Variants in PTGER3 observed in about 807,000 individuals in gnomAD.
PTGER3 encodes the protein prostaglandin E2 receptor EP3 subtype.
In PTGER3, 22 loss-of-function variants were observed where a neutral mutation model predicts 34.7. The ratio of observed to expected loss-of-function variants is 0.63; its 90% confidence interval spans 0.45 to 0.91. The LOEUF is 0.91. Ranked by LOEUF, PTGER3 falls within the 40% of genes least tolerant of loss-of-function variation. PTGER3 has a pLI of 0.00. For missense variants in PTGER3, 468 were observed against 519.4 expected, an observed-to-expected ratio of 0.90 and a Z score of 0.96; for synonymous variants, 241 against 230.1, an observed-to-expected ratio of 1.05 and a Z score of -0.43.
chr1:70,928,622 A>C (rs1404080524), intron 4 of PTGER3, among the ~76,000 whole-genome samples: 1 of 152,036 alleles, frequency 6.6e-6, no homozygotes, highest in African/African-American at 2.4e-5. Flanking sequence ...GACAGAATGA[A>C]ACCCCGTCTG....
chr1:71,045,187 A>G (rs1660652231), intron 1 of PTGER3, among the ~76,000 whole-genome samples: 1 of 152,180 alleles, frequency 6.6e-6, no homozygotes, highest in Non-Finnish European at 1.5e-5. Context: ...TTTGGAGCCA[A>G]GGTTTGTGCT....
intron 4 of PTGER3, among the ~76,000 whole-genome samples, chr1:70,936,334 AAAAG>A (rs1649225692): frequency 6.6e-6 from 1 of 152,222 alleles, no homozygotes; most frequent in Non-Finnish European, 1.5e-5. Context: ...TAGCACACAC[AAAAG>A]TGTAGAGGCT....
chr1:70,903,277 G>A (rs1409161), intron 4 of PTGER3, among the ~76,000 whole-genome samples: 45,143 of 152,006 alleles, frequency 0.3, 6,974 homozygotes, highest in South Asian at 0.46. Flanking sequence ...CTGGTCTCCA[G>A]AACTGGAAGA....
At position 70,954,720 on chromosome 1, in the gene PTGER3, G is replaced by A. The variant is rs933489626; in HGVS notation, c.1078-931C>T. 2.7e-4 allele frequency among the ~76,000 whole-genome samples: 41 copies of A among 151,848 alleles called. 1 individual carries two copies. The highest frequency in any genetic ancestry group is 9.4e-4 in the African/African-American group (39 of 41,274). On this transcript the variant is annotated intron_variant, in intron 2 of 3. Transcript: ENST00000356595. ...TGTGTGAGAAAGTAAATTCAATAGG[G>A]TCTCTTGATGGCATTTTGCTATCAT...
chr1:70,905,288 C>T (rs1646921005), intron 4 of PTGER3, among the ~76,000 whole-genome samples: 2 of 152,118 alleles, frequency 1.3e-5, no homozygotes, highest in South Asian at 4.1e-4. Flanking sequence ...GGGGTCAGAG[C>T]ACCCACACAG....
At chr1:70,918,781 A>C (rs1275909394) in intron 4 of PTGER3, among the ~76,000 whole-genome samples, 7 of 152,006 alleles carry the variant, frequency 4.6e-5, no homozygotes, top group African/African-American at 1.4e-4. Context: ...TAGCTTTCCA[A>C]TTTGTGATGT....
intron 4 of PTGER3, among the ~76,000 whole-genome samples, chr1:70,894,451 T>G (rs187584544): frequency 2.5e-4 from 38 of 152,306 alleles, no homozygotes; most frequent in African/African-American, 8.7e-4. Flanking sequence ...GAATGCCTAG[T>G]TTTCTACATG....
intron 2 of PTGER3, among the ~76,000 whole-genome samples, chr1:70,983,283 T>C (rs993026726): frequency 1.2e-5 from 1 of 80,772 alleles, no homozygotes; most frequent in Non-Finnish European, 2.8e-5. Flanking sequence ...TTAATTAATC[T>C]GAAAAAAAAA....
At chr1:70,906,064 AG>A (rs1023746353) in intron 4 of PTGER3, among the ~76,000 whole-genome samples, 3 of 152,040 alleles carry the variant, frequency 2.0e-5, no homozygotes, top group African/African-American at 7.2e-5. Flanking sequence ...TCCCTGTACA[AG>A]CTCTCTCTTT....
At chr1:71,012,925 ATATTAT>A (rs3044614) in intron 1 of PTGER3, among the ~76,000 whole-genome samples, 11 of 150,306 alleles carry the variant, frequency 7.3e-5, no homozygotes, top group South Asian at 2.1e-4. Context: ...AAAGGAGGAA[ATATTAT>A]TATTATTATT....
intron 2 of PTGER3, among the ~76,000 whole-genome samples, chr1:70,988,306 T>C (rs1056974354): frequency 2.0e-5 from 3 of 152,162 alleles, no homozygotes; most frequent in African/African-American, 7.2e-5. Context: ...TAAGGAACCA[T>C]TCTCAGACTA....
At chr1:70,938,428 C>T (rs1649439705) in intron 4 of PTGER3, among the ~76,000 whole-genome samples, 1 of 152,088 alleles carries the variant, frequency 6.6e-6, no homozygotes, top group Non-Finnish European at 1.5e-5. Context: ...GGAAAATACT[C>T]AATGATAATG....
chr1:70,945,010 G>A (rs1650093107), intron 4 of PTGER3, among the ~76,000 whole-genome samples: 1 of 152,086 alleles, frequency 6.6e-6, no homozygotes, highest in South Asian at 2.1e-4. Context: ...CAAGTCTCCA[G>A]ATTGTTTCTA....
chr1:70,940,436 T>C (rs942110403), intron 4 of PTGER3, among the ~76,000 whole-genome samples: 2 of 152,122 alleles, frequency 1.3e-5, no homozygotes, highest in African/African-American at 4.8e-5. Context: ...AATGCCCCAC[T>C]CTACTGGTAC....
chr1:70,921,414 A>G (rs1482462483), intron 4 of PTGER3, among the ~76,000 whole-genome samples: 1 of 152,136 alleles, frequency 6.6e-6, no homozygotes, highest in East Asian at 1.9e-4. Context: ...TGTCGAATGA[A>G]TGGTAAAAAT....
chr1:71,038,855 A>G lies in PTGER3; in HGVS notation c.897+7826T>C, dbSNP rs139147868. On this transcript the variant is annotated intron_variant, in intron 1 of 3. Coordinates refer to ENST00000306666, the MANE Select transcript of PTGER3 (RefSeq NM_198719.2). ...GCAGCACAGGTTCTGTTCAGTCCCA[A>G]CATTTCTAATTGCCTGTGAAAAGAT... 2.0e-5 allele frequency among the ~76,000 whole-genome samples: 3 copies of G among 152,340 alleles called. No individual in the cohort carries two copies. The East Asian group carries it at 5.8e-4, about 29-fold the overall frequency.
intron 2 of PTGER3, chr1:71,011,499 T>A (rs938040542): frequency 8.1e-6 from 8 of 985,324 alleles, no homozygotes; most frequent in Non-Finnish European, 9.6e-6. Context: ...GTTTCATGAA[T>A]CTTCCTTAGG....
intron 4 of PTGER3, among the ~76,000 whole-genome samples, chr1:70,899,727 A>G (rs907922337): frequency 2.0e-5 from 3 of 152,178 alleles, no homozygotes; most frequent in South Asian, 4.2e-4. Context: ...TAGAGTAGAA[A>G]CAGAAATCAG....
intron 2 of PTGER3, among the ~76,000 whole-genome samples, chr1:70,959,935 A>G (rs1651753170): frequency 6.6e-6 from 1 of 152,154 alleles, no homozygotes; most frequent in African/African-American, 2.4e-5. Flanking sequence ...GTCATTGTAG[A>G]TAGAATTAGT....
Sources: allele counts gnomAD v4.1 joint callset (sites outside exome capture counted in the v4.1 genomes callset), GRCh38; gene constraint gnomAD v4.1.1; transcripts MANE v1.5; gene names NCBI Gene and HGNC (gene_info 2026-07-23, HGNC 2026-07-21).